IARS1: variants seen among roughly 807,000 people sequenced by gnomAD.
IARS1 encodes the protein isoleucyl-tRNA synthetase 1, also known as isoleucine--tRNA ligase, cytoplasmic.
Under a neutral mutation model 168.2 loss-of-function variants are expected in IARS1, and 124 were observed. That is an observed-to-expected ratio of 0.74 (90% CI 0.64 to 0.86). The LOEUF is 0.86. IARS1 is among the 40% of genes least tolerant of loss of function. IARS1 has a pLI of 0.00. For missense variants in IARS1, 1,452 were observed against 1,515.8 expected (o/e 0.96, Z 0.70); for synonymous variants, 532 against 529.4 (o/e 1.00, Z -0.07).
chr9:92,261,034 TGCG>T (rs1419392846), intron 17 of IARS1, among the ~76,000 whole-genome samples: 2 of 152,004 alleles, frequency 1.3e-5, no homozygotes, highest in African/African-American at 4.8e-5. Context: ...GCCAGCTGGG[TGCG>T]GTGGCTCATG....
At chr9:92,247,309 A>G (rs1829349475) in intron 26 of IARS1, 68 bp downstream of exon 26, 2 of 1,450,034 alleles carry the variant, frequency 1.4e-6, no homozygotes. Flanking sequence ...TAAAAGTCAA[A>G]CAGTAGCCTA....
rs1017591552 is a variant in IARS1 at position 92,230,498 on chromosome 9, T to A, written c.3284-1372A>T. ...TATTACTGTGTAATGTTCTATGATA[T>A]GTACCCCAGTTTGCTTAGCCATTTA... On this transcript the variant is annotated intron_variant, in intron 30 of 33. Coordinates refer to ENST00000443024, the MANE Select transcript of IARS1 (RefSeq NM_002161.6). Among the ~76,000 whole-genome samples the A allele has an allele frequency of 7.2e-5, 11 of 152,322 alleles. 1 individual carries two copies. The Middle Eastern group carries it at 0.017, about 236-fold the overall frequency.
intron 33 of IARS1, among the ~76,000 whole-genome samples, chr9:92,221,840 T>G (rs1275485071): frequency 2.0e-5 from 3 of 152,210 alleles, no homozygotes; most frequent in African/African-American, 7.2e-5. Context: ...AGGTATAATG[T>G]CAGCTGTAAG....
Position 92,288,180 on chromosome 9 carries a change from C to T in IARS1, c.222G>A (p.Gln74=). The T allele has an allele frequency of 6.2e-7, 1 of 1,614,076 alleles. No individual in the cohort carries two copies. Among genetic ancestry groups the T allele is most frequent in the Non-Finnish European group, 8.5e-7 (1 of 1,179,962 alleles). The part of the protein sequence containing the change: ...IKDIVTRYAH[Q]SGFHVDRRFG... ...ATCTTCTGTCAACATGAAACCCACT[C>T]TGGTGAGCATATCTTGTAACTATAT... The change falls in exon 3 of 34, where the codon CAG becomes CAA. Residue 74 remains glutamine (Q), a synonymous_variant. Coordinates refer to ENST00000443024, the MANE Select transcript of IARS1 (RefSeq NM_002161.6).
intron 31 of IARS1, among the ~76,000 whole-genome samples, chr9:92,225,062 C>T (rs1188415029): frequency 2.6e-5 from 4 of 152,088 alleles, no homozygotes; most frequent in Non-Finnish European, 5.9e-5. Context: ...CTTGAGCTTT[C>T]GATACAGTGT....
At chr9:92,285,459 A>C (rs200154437) in intron 6 of IARS1, among the ~76,000 whole-genome samples, 2 of 152,212 alleles carry the variant, frequency 1.3e-5, no homozygotes, top group Non-Finnish European at 2.9e-5. Context: ...ACAGAGAGGC[A>C]CAAAAATATG....
chr9:92,255,236 G>A (rs1303180675), intron 20 of IARS1, among the ~76,000 whole-genome samples: 1 of 152,246 alleles, frequency 6.6e-6, no homozygotes, highest in Non-Finnish European at 1.5e-5. Context: ...AAATGGGGCA[G>A]CAGCGCCTAC....
chr9:92,228,007 C>T (rs959967719), intron 31 of IARS1, among the ~76,000 whole-genome samples: 7 of 152,114 alleles, frequency 4.6e-5, no homozygotes, highest in African/African-American at 1.7e-4. Context: ...GAGGTTGTAG[C>T]GAGCTGAGAT....
chr9:92,288,057 T>C (rs1462680344), intron 3 of IARS1, 69 bp downstream of exon 3: 3 of 1,540,588 alleles, frequency 1.9e-6, no homozygotes, highest in Admixed American at 1.9e-5. Flanking sequence ...TACTTGAACA[T>C]ATTATATGAC....
At chr9:92,250,688 A>T (rs1829890675) in intron 23 of IARS1, 25 bp downstream of exon 23, 1 of 1,576,302 alleles carries the variant, frequency 6.3e-7, no homozygotes, top group Non-Finnish European at 8.6e-7. Context: ...GGCACAGGTG[A>T]GGCTTATTTC....
At position 92,210,530 on chromosome 9, in the gene IARS1, A is replaced by T. The variant is rs1837580521; in HGVS notation, c.*277T>A. ...AAATCACTTCTATCTTCTGTACTTA[A>T]GAACTCAAGTATAGAAATAAACTGT... is the stretch of plus-strand genomic sequence containing the variant. On this transcript the variant is annotated 3_prime_UTR_variant, in exon 34 of 34. Transcript: ENST00000443024. 1 of 296,814 alleles carries T rather than the reference A, an allele frequency of 3.4e-6. No homozygotes were observed. Among genetic ancestry groups the T allele is most frequent in the Admixed American group, 4.6e-5 (1 of 21,704 alleles). The allele number at this position is 296,814 out of a possible 1,614,324, so 18.4% of individuals were successfully genotyped here. A position where few individuals can be genotyped will look rare whatever the true frequency, so the allele number is the denominator to read the frequency against.
intron 4 of IARS1, 50 bp from the exon 5 acceptor site, chr9:92,286,668 G>GTCTAA: frequency 1.0e-6 from 1 of 993,382 alleles, no homozygotes; most frequent in Non-Finnish European, 1.5e-6. Flanking sequence ...ATTTATAATT[G>GTCTAA]TACATCAATG....
Position 92,242,312 on chromosome 9 carries a change from C to T in IARS1, c.3019G>A (p.Asp1007Asn). 1 of 1,612,102 alleles carries T rather than the reference C, an allele frequency of 6.2e-7. No homozygotes were observed. Among genetic ancestry groups the T allele is most frequent in the South Asian group, 1.1e-5 (1 of 90,570 alleles). Reference sequence around the variant, plus strand: ...GCTTTATAGTACACTGTGATTTCATCAGTTGGAACCAGATTGCACTGAAAA... The same window carrying T: ...GCTTTATAGTACACTGTGATTTCATTAGTTGGAACCAGATTGCACTGAAAA... ...LRKKCNLVPT[D>N]EITVYYKAKS... Residue 1007 changes from aspartate (D) to asparagine (N), a missense_variant, in exon 29 of 34, where the codon GAT becomes AAT. Physicochemically the swap from Asp to Asn is conservative, Grantham distance 23 (BLOSUM62 1). Transcript: ENST00000443024.
At chr9:92,238,309 G>C (rs1383460216) in intron 30 of IARS1, among the ~76,000 whole-genome samples, 1 of 152,324 alleles carries the variant, frequency 6.6e-6, no homozygotes, top group African/African-American at 2.4e-5. Context: ...ATGTGGGAAA[G>C]TGGGGCTTAG....
chr9:92,292,661 C>T (rs981278354), intron 1 of IARS1: 10 of 154,994 alleles, frequency 6.5e-5, no homozygotes, highest in Non-Finnish European at 1.3e-4. Flanking sequence ...CCTTTGCTTC[C>T]CTCTTATTAT....
intron 5 of IARS1, chr9:92,286,202 ACT>A (rs1835430722): frequency 3.5e-6 from 1 of 282,322 alleles, no homozygotes; most frequent in East Asian, 7.6e-5. Context: ...CCCCATCTCT[ACT>A]AAAAAGACAA....
At chr9:92,244,327 G>C (rs1344909726) in intron 27 of IARS1, among the ~76,000 whole-genome samples, 1 of 152,172 alleles carries the variant, frequency 6.6e-6, no homozygotes, top group African/African-American at 2.4e-5. Flanking sequence ...GTAAAGGACT[G>C]AGGAGGTCGA....
intron 31 of IARS1, among the ~76,000 whole-genome samples, chr9:92,224,416 C>T (rs1386398255): frequency 6.6e-6 from 1 of 152,072 alleles, no homozygotes; most frequent in Non-Finnish European, 1.5e-5. Flanking sequence ...GGACACTGGC[C>T]AATAGCTGGA....
intron 33 of IARS1, among the ~76,000 whole-genome samples, chr9:92,214,471 T>C (rs932604842): frequency 2.6e-5 from 4 of 152,142 alleles, no homozygotes; most frequent in Admixed American, 6.5e-5. Flanking sequence ...GGGTGAGCGA[T>C]GCAGAAGACA....
Sources: gnomAD v4.1 joint callset for allele counts (sites outside exome capture counted in the v4.1 genomes callset) on GRCh38, gnomAD v4.1.1 for gene constraint, MANE v1.5 for transcripts, NCBI Gene and HGNC (gene_info 2026-07-23, HGNC 2026-07-21) for gene names.